Variants in C12orf50 observed in about 807,000 individuals in gnomAD.
C12orf50 encodes the protein zinc finger CCCH-type containing 11D.
C12orf50 carries 35 observed loss-of-function variants against 61.6 expected under a neutral mutation model. The observed-to-expected ratio is 0.57, with a 90% confidence interval of 0.43 to 0.75. The LOEUF (loss-of-function observed/expected upper bound fraction) is 0.75. C12orf50 is among the 30% of genes least tolerant of loss of function. The pLI is 0.00. For synonymous variants in C12orf50, 178 were observed against 161.5 expected, an observed-to-expected ratio of 1.10 and a Z score of -0.77; for missense variants, 475 against 488.5, an observed-to-expected ratio of 0.97 and a Z score of 0.26.
chr12:88,005,575 G>C (rs938144245), intron 3 of C12orf50, among the ~76,000 whole-genome samples: 1 of 152,114 alleles, frequency 6.6e-6, no homozygotes, highest in African/African-American at 2.4e-5. Flanking sequence ...TAAGCTTTGA[G>C]CCCAATCTTT....
At chr12:87,999,997 A>T (rs567350885) in intron 3 of C12orf50, among the ~76,000 whole-genome samples, 3 of 152,276 alleles carry the variant, frequency 2.0e-5, no homozygotes, top group Admixed American at 2.0e-4. Flanking sequence ...AACAAGAAGT[A>T]AAGTAGTGAC....
intron 3 of C12orf50, among the ~76,000 whole-genome samples, chr12:88,017,115 C>T (rs190836910): frequency 9.2e-5 from 14 of 152,186 alleles, no homozygotes; most frequent in Admixed American, 5.2e-4. Context: ...AGCAAGCATA[C>T]GGGTGTGTGA....
intron 3 of C12orf50, among the ~76,000 whole-genome samples, chr12:88,023,759 T>A (rs549409543): frequency 1.5e-4 from 22 of 151,096 alleles, no homozygotes; most frequent in African/African-American, 5.3e-4. Context: ...ATGACAAAGA[T>A]GCCAAAAGCA....
chr12:87,988,276 G>C (rs1178492103), intron 8 of C12orf50, among the ~76,000 whole-genome samples: 1 of 152,174 alleles, frequency 6.6e-6, no homozygotes, highest in African/African-American at 2.4e-5. Context: ...ACATTGAATG[G>C]TCCCATTTAA....
intron 3 of C12orf50, among the ~76,000 whole-genome samples, chr12:88,012,780 T>G (rs1364158294): frequency 6.6e-6 from 1 of 152,082 alleles, no homozygotes; most frequent in Admixed American, 6.5e-5. Flanking sequence ...GTATATGACA[T>G]GGGGAAGGGT....
intron 3 of C12orf50, among the ~76,000 whole-genome samples, chr12:88,007,086 G>A (rs1038125309): frequency 6.6e-6 from 1 of 151,906 alleles, no homozygotes; most frequent in Non-Finnish European, 1.5e-5. Context: ...GGAATTCTTC[G>A]CAACATCATT....
chr12:87,980,286 T>C lies in C12orf50; in HGVS notation c.*45A>G. Reference sequence around the variant, plus strand: ...TCATTTTTGATTGTAAATCAGATGATGTCTGGCAATTTTTTCTCATTTTTC... The same window carrying C: ...TCATTTTTGATTGTAAATCAGATGACGTCTGGCAATTTTTTCTCATTTTTC... On this transcript the variant is annotated 3_prime_UTR_variant, in exon 13 of 13. Transcript: ENST00000298699. The C allele has an allele frequency of 1.3e-6, 2 of 1,574,972 alleles. No individual in the cohort carries two copies. Among genetic ancestry groups the C allele is most frequent in the South Asian group, 2.2e-5 (2 of 89,360 alleles).
At chr12:87,980,722 TGAC>T (rs1398409670) in intron 12 of C12orf50, among the ~76,000 whole-genome samples, 1 of 152,186 alleles carries the variant, frequency 6.6e-6, no homozygotes, top group Non-Finnish European at 1.5e-5. Flanking sequence ...CCAATGAGAA[TGAC>T]ATCTCCAGTT....
chr12:88,029,020 C>T (rs547302997), intron 1 of C12orf50: 70 of 1,076,640 alleles, frequency 6.5e-5, no homozygotes, highest in South Asian at 1.0e-4. Flanking sequence ...CTTCATTCTA[C>T]TAAAAAGATT....
At chr12:87,993,829 C>T (rs2031247729) in intron 7 of C12orf50, among the ~76,000 whole-genome samples, 1 of 152,108 alleles carries the variant, frequency 6.6e-6, no homozygotes, top group South Asian at 2.1e-4. Flanking sequence ...AAAAGCAGTT[C>T]CAAAATATTT....
intron 3 of C12orf50, among the ~76,000 whole-genome samples, chr12:88,022,305 C>T (rs907969683): frequency 6.6e-6 from 1 of 152,024 alleles, no homozygotes; most frequent in Admixed American, 6.6e-5. Context: ...TTCAACATCC[C>T]TTCATGCTAA....
chr12:88,006,000 T>C (rs2031860773), intron 3 of C12orf50, among the ~76,000 whole-genome samples: 1 of 141,776 alleles, frequency 7.1e-6, no homozygotes, highest in African/African-American at 2.6e-5. Flanking sequence ...CACTGCAAGC[T>C]CCGCCTCCCG....
upstream of C12orf50, among the ~76,000 whole-genome samples, chr12:88,029,879 A>G (rs1178748828): frequency 3.9e-5 from 6 of 152,222 alleles, no homozygotes; most frequent in Non-Finnish European, 8.8e-5. Flanking sequence ...TCTTGTGGCT[A>G]TATTCCATTT....
At position 88,010,393 on chromosome 12, in the gene C12orf50, A is replaced by T. The variant is rs532109669; in HGVS notation, c.134-12203T>A. On this transcript the variant is annotated intron_variant, in intron 3 of 12. Transcript: ENST00000298699. ...AATAGATTATAAGATTAAAATTATTATAATCTTATAATAAGATTATAAGAT... is the reference window on the plus strand; with the variant it reads ...AATAGATTATAAGATTAAAATTATTTTAATCTTATAATAAGATTATAAGAT... 5.3e-5 allele frequency among the ~76,000 whole-genome samples: 6 copies of T among 113,624 alleles called. No homozygotes were observed. In the South Asian group the frequency reaches 1.5e-3, roughly 28 times the overall value. 74.5% of individuals were successfully genotyped at this position (113,624 alleles called of 152,430 possible).
intron 7 of C12orf50, among the ~76,000 whole-genome samples, chr12:87,991,180 G>A (rs142230404): frequency 2.4e-4 from 37 of 152,220 alleles, no homozygotes; most frequent in African/African-American, 6.5e-4. Context: ...AATCAAGGTG[G>A]TCTGCTGATA....
At chr12:87,994,816 C>T (rs577072488) in intron 6 of C12orf50, 73 bp from the exon 7 acceptor site, 1 of 927,014 alleles carries the variant, frequency 1.1e-6, no homozygotes, top group South Asian at 1.5e-5. Flanking sequence ...TGATAGAATG[C>T]ATGATGAAAG....
At chr12:88,008,598 A>G (rs887593413) in intron 3 of C12orf50, among the ~76,000 whole-genome samples, 1 of 152,126 alleles carries the variant, frequency 6.6e-6, no homozygotes, top group Admixed American at 6.5e-5. Flanking sequence ...ATTCTTAAAT[A>G]AAGAATTGTT....
chr12:88,009,480 A>G (rs2032017392), intron 3 of C12orf50, among the ~76,000 whole-genome samples: 1 of 152,022 alleles, frequency 6.6e-6, no homozygotes, highest in South Asian at 2.1e-4. Context: ...GTTCTATGAT[A>G]GCAGTTCTCA....
chr12:88,013,342 A>T (rs1274066235), intron 3 of C12orf50, among the ~76,000 whole-genome samples: 1 of 152,164 alleles, frequency 6.6e-6, no homozygotes, highest in East Asian at 1.9e-4. Context: ...TTTAAACAAG[A>T]TTGTCAGGTG....
Sources: allele counts gnomAD v4.1 joint callset (sites outside exome capture counted in the v4.1 genomes callset), GRCh38; gene constraint gnomAD v4.1.1; transcripts MANE v1.5; gene names NCBI Gene and HGNC (gene_info 2026-07-23, HGNC 2026-07-21).